The following WHR1 variants were observed in gnomAD, a reference collection of about 807,000 sequenced individuals.
WHR1 encodes MHC class III HLA-RP1.
the WHR1 span, among the ~76,000 whole-genome samples, chr6:31,974,049 C>T: frequency 2.0e-5 from 3 of 151,824 alleles, no homozygotes; most frequent in African/African-American, 7.3e-5. Context: ...TTTGGGAGGC[C>T]GAGGTGGGTG....
chr6:31,972,019 T>C, the WHR1 span: 1 of 1,607,648 alleles, frequency 6.2e-7, no homozygotes, highest in Admixed American at 1.7e-5. The surrounding 1 kb of genome is among the most constrained non-coding windows in gnomAD (Gnocchi z 6.3). Flanking sequence ...TTTTCTGCTT[T>C]CGATGATGCA....
At chr6:31,971,911 G>C in the WHR1 span, 1 of 1,528,710 alleles carries the variant, frequency 6.5e-7, no homozygotes, top group South Asian at 1.2e-5. The surrounding 1 kb of genome is among the most constrained non-coding windows in gnomAD (Gnocchi z 4.5). Flanking sequence ...TCTGCGCTCA[G>C]ATCAAGAATC....
the WHR1 span, chr6:31,971,494 T>A: frequency 1.2e-6 from 2 of 1,614,098 alleles, no homozygotes; most frequent in Non-Finnish European, 1.7e-6. This position sits in a 1 kb window ranked among gnomAD's most constrained non-coding sequence, Gnocchi z 4.5. Context: ...GGCATCTCCA[T>A]GGTACTGGCG....
At chr6:31,976,453 G>A in the WHR1 span, among the ~76,000 whole-genome samples, 2 of 150,834 alleles carry the variant, frequency 1.3e-5, no homozygotes, top group South Asian at 2.1e-4. Flanking sequence ...ACGGGGCGGC[G>A]GGGCAAAGGC....
chr6:31,979,677 C>T, the WHR1 span: 1 of 1,344,756 alleles, frequency 7.4e-7, no homozygotes, highest in Non-Finnish European at 1.0e-6. Context: ...AAAGCTGACT[C>T]TTCTTGTTAA....
chr6:31,971,831 C>T, the WHR1 span: 1 of 1,331,836 alleles, frequency 7.5e-7, no homozygotes, highest in Non-Finnish European at 1.0e-6. The surrounding 1 kb of genome is among the most constrained non-coding windows in gnomAD (Gnocchi z 4.5). Flanking sequence ...AGCTCTCATC[C>T]TGCCTCTTTC....
chr6:31,972,147 G>A, the WHR1 span: 2 of 1,612,790 alleles, frequency 1.2e-6, no homozygotes, highest in Non-Finnish European at 1.7e-6. The surrounding 1 kb of genome is among the most constrained non-coding windows in gnomAD (Gnocchi z 6.3). Flanking sequence ...ACGAGTCCCC[G>A]GGCGTGCGTG....
the WHR1 span, chr6:31,971,716 C>T: frequency 1.3e-6 from 2 of 1,553,814 alleles, no homozygotes; most frequent in Non-Finnish European, 8.7e-7. This position sits in a 1 kb window ranked among gnomAD's most constrained non-coding sequence, Gnocchi z 4.5. Flanking sequence ...TTCCATTCTA[C>T]AGAGGAGGCC....
the WHR1 span, chr6:31,980,430 C>A: frequency 1.2e-6 from 2 of 1,603,356 alleles, no homozygotes; most frequent in Non-Finnish European, 8.5e-7. Flanking sequence ...CTCATCTCTG[C>A]TGGCTTCCCA....
the WHR1 span, among the ~76,000 whole-genome samples, chr6:31,977,584 C>T: frequency 2.6e-5 from 4 of 151,856 alleles, no homozygotes; most frequent in Non-Finnish European, 5.9e-5. Context: ...CTCCGGACCT[C>T]GTGATCCACC....
chr6:31,979,551 C>T, the WHR1 span: 1 of 1,612,860 alleles, frequency 6.2e-7, no homozygotes, highest in South Asian at 1.1e-5. Flanking sequence ...ACTCAGAAAT[C>T]ACGTGAGACT....
the WHR1 span, among the ~76,000 whole-genome samples, chr6:31,973,653 G>A: frequency 2.6e-5 from 4 of 152,164 alleles, no homozygotes; most frequent in South Asian, 2.1e-4. Context: ...TGCGAGGTCC[G>A]TGGTTAAGGA....
chr6:31,976,726 C>T, the WHR1 span, among the ~76,000 whole-genome samples: 1 of 152,248 alleles, frequency 6.6e-6, no homozygotes, highest in Non-Finnish European at 1.5e-5. Context: ...AAGCCGAGAT[C>T]CCGCCACTGC....
chr6:31,972,177 C>T, the WHR1 span: 642 of 1,611,842 alleles, frequency 4.0e-4, 4 homozygotes, highest in East Asian at 4.5e-5. The surrounding 1 kb of genome is among the most constrained non-coding windows in gnomAD (Gnocchi z 6.3). Context: ...GGAGCCAATC[C>T]GCGGCCGGCG....
At chr6:31,976,099 C>G in the WHR1 span, among the ~76,000 whole-genome samples, 1 of 146,044 alleles carries the variant, frequency 6.8e-6, no homozygotes, top group Non-Finnish European at 1.5e-5. Flanking sequence ...GACCCCCCAC[C>G]TCCCTCCCGG....
chr6:31,975,602 GT>G, the WHR1 span, among the ~76,000 whole-genome samples: 184 of 125,190 alleles, frequency 1.5e-3, no homozygotes, highest in Admixed American at 1.9e-3. Context: ...CCAAAGTGCT[GT>G]TTTTTTTTTT....
At chr6:31,976,126 C>T in the WHR1 span, among the ~76,000 whole-genome samples, 1 of 129,718 alleles carries the variant, frequency 7.7e-6, no homozygotes, top group Non-Finnish European at 1.7e-5. Flanking sequence ...CGGCTGGCTG[C>T]GTGGGGGGCT....
At chr6:31,972,811 CCT>C in the WHR1 span, 4 of 1,600,344 alleles carry the variant, frequency 2.5e-6, no homozygotes, top group African/African-American at 2.7e-5. This position sits in a 1 kb window ranked among gnomAD's most constrained non-coding sequence, Gnocchi z 6.3. Flanking sequence ...CCTGGAATTC[CCT>C]GTCACTCAGT....
At chr6:31,977,338 A>ATTTT in the WHR1 span, among the ~76,000 whole-genome samples, 3 of 127,426 alleles carry the variant, frequency 2.4e-5, no homozygotes, top group Non-Finnish European at 3.3e-5. Flanking sequence ...CGCCCAGCTA[A>ATTTT]TTTTTTTTTT....
Sources: allele counts gnomAD v4.1 joint callset (sites outside exome capture counted in the v4.1 genomes callset), GRCh38; gene constraint gnomAD v4.1.1; non-coding constraint Gnocchi (gnomAD v3.1); transcripts MANE v1.5; gene names NCBI Gene and HGNC (gene_info 2026-07-23, HGNC 2026-07-21).